KCNH7: variants seen among roughly 807,000 people sequenced by gnomAD.
KCNH7 encodes voltage-gated inwardly rectifying potassium channel KCNH7.
A neutral mutation model predicts 120.8 loss-of-function variants in KCNH7; 49 were observed. That is an observed-to-expected ratio of 0.41 (90% confidence interval 0.32 to 0.51). The LOEUF (loss-of-function observed/expected upper bound fraction) is 0.51, where lower values mean the gene tolerates loss of function less well. KCNH7 is among the 20% of genes least tolerant of loss of function. The pLI, the probability that KCNH7 is intolerant of heterozygous loss-of-function variation, is 0.38. For missense variants in KCNH7, 1,097 were observed against 1,446.6 expected (o/e 0.76, Z 3.92); for synonymous variants, 547 against 516.1 (o/e 1.06, Z -0.81).
At chr2:162,535,274 T>C (rs1692068454) in intron 3 of KCNH7, among the ~76,000 whole-genome samples, 1 of 151,612 alleles carries the variant, frequency 6.6e-6, no homozygotes, top group Non-Finnish European at 1.5e-5. Context: ...ATGTACAAGA[T>C]TGGAAAGGAA....
At chr2:162,722,248 G>C (rs10178129) in intron 2 of KCNH7, among the ~76,000 whole-genome samples, 49,044 of 151,868 alleles carry the variant, frequency 0.32, 12,731 homozygotes, top group African/African-American at 0.7. Context: ...GAAGTAAGAA[G>C]AAGAAGTCAT....
At chr2:162,618,136 G>A (rs1683214708) in intron 2 of KCNH7, among the ~76,000 whole-genome samples, 1 of 151,866 alleles carries the variant, frequency 6.6e-6, no homozygotes, top group Non-Finnish European at 1.5e-5. Context: ...ACAAAAGACC[G>A]ATTAGGTTTT....
intron 2 of KCNH7, among the ~76,000 whole-genome samples, chr2:162,681,041 G>A (rs1255084755): frequency 6.6e-6 from 1 of 151,734 alleles, no homozygotes; most frequent in Non-Finnish European, 1.5e-5. Context: ...GACATCAGTA[G>A]TCTTTTATAC....
chr2:162,773,444 C>T (rs894518989), intron 2 of KCNH7, among the ~76,000 whole-genome samples: 8 of 152,192 alleles, frequency 5.3e-5, no homozygotes, highest in East Asian at 3.9e-4. Flanking sequence ...GCCGAGATCA[C>T]GCCGCTGCAC....
intron 8 of KCNH7, among the ~76,000 whole-genome samples, chr2:162,429,894 C>G (rs1214261787): frequency 6.9e-6 from 1 of 144,834 alleles, no homozygotes; most frequent in African/African-American, 2.5e-5. Context: ...TTTTTGCTTG[C>G]CTTCATCATC....
chr2:162,564,106 T>A (rs1693164300), intron 2 of KCNH7, among the ~76,000 whole-genome samples: 1 of 152,182 alleles, frequency 6.6e-6, no homozygotes, highest in Non-Finnish European at 1.5e-5. Flanking sequence ...CAGTTTACTT[T>A]AGAAAACTTC....
chr2:162,748,927 TTTCCTTCCTTCCTTCCTTCC>T lies in KCNH7; in HGVS notation c.307+87590_307+87609del, dbSNP rs1219510782. 7.9e-4 allele frequency among the ~76,000 whole-genome samples: 22 copies of T among 27,862 alleles called. 1 individual carries two copies. Among genetic ancestry groups the T allele is most frequent in the African/African-American group, 3.7e-3 (16 of 4,356 alleles). 18.3% of individuals were successfully genotyped at this position (27,862 alleles called of 152,430 possible). Reference sequence around the variant, plus strand: ...CCTTCCTTCCTTCCCTTCCCTTTCCTTTCCTTCCTTCCTTCCTTCCTTCCTTCCTTCCTTCCTTCCTTCCT... The same window carrying T: ...CCTTCCTTCCTTCCCTTCCCTTTCCTTTCCTTCCTTCCTTCCTTCCTTCCT... On this transcript the variant is annotated intron_variant, in intron 2 of 15. Coordinates refer to ENST00000332142, the MANE Select transcript of KCNH7 (RefSeq NM_033272.4).
intron 13 of KCNH7, among the ~76,000 whole-genome samples, chr2:162,383,663 T>G (rs1207780703): frequency 6.6e-6 from 1 of 151,986 alleles, no homozygotes; most frequent in East Asian, 1.9e-4. Flanking sequence ...CTATTTTTCC[T>G]TTTCTGTTAA....
At chr2:162,396,695 A>G in intron 11 of KCNH7, 45 bp downstream of exon 11, 1 of 1,389,352 alleles carries the variant, frequency 7.2e-7, no homozygotes, top group Non-Finnish European at 1.0e-6. Context: ...CAAGAATAAA[A>G]TAAAATGTCA....
intron 8 of KCNH7, among the ~76,000 whole-genome samples, chr2:162,426,214 TAAAAAA>T (rs751111957): frequency 8.4e-6 from 1 of 118,964 alleles, no homozygotes; most frequent in African/African-American, 3.1e-5. Flanking sequence ...ACCCTATCTT[TAAAAAA>T]AAAAAAAAAA....
chr2:162,722,925 T>C (rs1353242296), intron 2 of KCNH7, among the ~76,000 whole-genome samples: 2 of 150,614 alleles, frequency 1.3e-5, no homozygotes, highest in South Asian at 2.1e-4. Flanking sequence ...CTAGTGAATG[T>C]TTCAATTCAG....
chr2:162,403,653 G>A (rs932427413), intron 9 of KCNH7, among the ~76,000 whole-genome samples: 1 of 151,862 alleles, frequency 6.6e-6, no homozygotes, highest in African/African-American at 2.4e-5. Context: ...ATACAATGTT[G>A]GCATGAACTT....
At chr2:162,540,472 G>A (rs569357903) in intron 2 of KCNH7, among the ~76,000 whole-genome samples, 74 of 152,182 alleles carry the variant, frequency 4.9e-4, no homozygotes, top group Middle Eastern at 3.4e-3. Flanking sequence ...AGTTGGTGGC[G>A]TATACCTAGT....
At chr2:162,441,996 C>CTTTTTTTTTTTTTT (rs1558947048) in intron 7 of KCNH7, among the ~76,000 whole-genome samples, 1 of 14,542 alleles carries the variant, frequency 6.9e-5, no homozygotes, top group Non-Finnish European at 1.7e-4. Flanking sequence ...ATAGTTAGGT[C>CTTTTTTTTTTTTTT]TTCTTTTTTT....
At chr2:162,788,090 C>T (rs1683779842) in intron 2 of KCNH7, among the ~76,000 whole-genome samples, 1 of 151,850 alleles carries the variant, frequency 6.6e-6, no homozygotes, top group Admixed American at 6.6e-5. Flanking sequence ...ATCATGGAAT[C>T]ATGACACCAA....
At chr2:162,414,624 T>C (rs1447563798) in intron 9 of KCNH7, among the ~76,000 whole-genome samples, 1 of 151,976 alleles carries the variant, frequency 6.6e-6, no homozygotes, top group Non-Finnish European at 1.5e-5. Context: ...TGTGTAAATA[T>C]GTATATATGT....
At chr2:162,669,749 C>A (rs1169825961) in intron 2 of KCNH7, among the ~76,000 whole-genome samples, 1 of 152,088 alleles carries the variant, frequency 6.6e-6, no homozygotes, top group African/African-American at 2.4e-5. Flanking sequence ...GCCCCCCACC[C>A]AAAGAATTGT....
intron 2 of KCNH7, among the ~76,000 whole-genome samples, chr2:162,775,145 C>T (rs901469162): frequency 6.6e-6 from 1 of 152,072 alleles, no homozygotes; most frequent in Admixed American, 6.6e-5. Context: ...TCTCCTACTG[C>T]ATGCCTTCTC....
chr2:162,636,538 G>A (rs1189949475), intron 2 of KCNH7, among the ~76,000 whole-genome samples: 1 of 152,006 alleles, frequency 6.6e-6, no homozygotes, highest in Non-Finnish European at 1.5e-5. Flanking sequence ...GCCAGGCCTG[G>A]ATGATTCAAA....
Sources: gnomAD v4.1 joint callset for allele counts (sites outside exome capture counted in the v4.1 genomes callset) on GRCh38, gnomAD v4.1.1 for gene constraint, MANE v1.5 for transcripts, NCBI Gene and HGNC (gene_info 2026-07-23, HGNC 2026-07-21) for gene names.